UNC79: variants seen among roughly 807,000 people sequenced by gnomAD.
UNC79 encodes unc-79 subunit of NALCN channel complex, also known as protein unc-79 homolog.
A neutral mutation model predicts 283.1 loss-of-function variants in UNC79; 37 were observed. The observed-to-expected ratio is 0.13, with a 90% confidence interval of 0.10 to 0.17. The LOEUF is 0.17. Ranked by LOEUF, UNC79 falls within the 10% of genes least tolerant of loss-of-function variation. The probability of loss-of-function intolerance (pLI) is 1.00; values close to 1 mark genes in which losing one functional copy is unlikely to be tolerated. For missense variants in UNC79, 2,272 were observed against 3,211.1 expected, an observed-to-expected ratio of 0.71 and a Z score of 7.07; for synonymous variants, 1,107 against 1,200.2, an observed-to-expected ratio of 0.92 and a Z score of 1.61.
At chr14:93,651,407 A>G (rs1054263565) in intron 35 of UNC79, among the ~76,000 whole-genome samples, 3 of 152,176 alleles carry the variant, frequency 2.0e-5, no homozygotes, top group African/African-American at 7.2e-5. Flanking sequence ...ATTCATGAAC[A>G]TGGTATATAT....
At chr14:93,586,870 A>G in exon 22 of UNC79, 2 of 1,613,956 alleles carry the variant, frequency 1.2e-6, no homozygotes, top group Non-Finnish European at 8.5e-7. Context: ...ATCACCCTCA[A>G]TTTTTAGCCT....
At chr14:93,373,398 GCTAT>G (rs2054493304) in intron 1 of UNC79, among the ~76,000 whole-genome samples, 2 of 151,528 alleles carry the variant, frequency 1.3e-5, no homozygotes, top group Admixed American at 6.6e-5. Context: ...CTCTAGCCAG[GCTAT>G]CTGAGAAAAA....
At chr14:93,554,794 TAAAC>T (rs2062077595) in intron 14 of UNC79, among the ~76,000 whole-genome samples, 1 of 152,240 alleles carries the variant, frequency 6.6e-6, no homozygotes, top group Non-Finnish European at 1.5e-5. Context: ...AAACAATCCT[TAAAC>T]AACCTCTAAA....
At chr14:93,540,718 C>T (rs2061334399) in exon 13 of UNC79, 3 of 1,613,782 alleles carry the variant, frequency 1.9e-6, no homozygotes, top group Non-Finnish European at 2.5e-6. Context: ...GAACCGGCGG[C>T]GGCAGCTGGG....
In UNC79 at chr14:93,615,173, C is replaced by T. The variant is rs546704481; in HGVS notation, c.4042-1949C>T. Among the ~76,000 whole-genome samples the T allele has an allele frequency of 2.4e-3, 365 of 152,260 alleles. 3 individuals are homozygous for T. Among genetic ancestry groups the T allele is most frequent in the African/African-American group, 8.4e-3 (351 of 41,540 alleles). ...ATTAGAGAAAACATATTGCAAAGCA[C>T]CTTGATCAATGCCTGTCTCATGGTA... On this transcript the variant is annotated intron_variant, in intron 27 of 48. Transcript: ENST00000555664.
intron 1 of UNC79, among the ~76,000 whole-genome samples, chr14:93,460,525 A>G (rs1056199457): frequency 1.5e-5 from 2 of 132,470 alleles, no homozygotes; most frequent in African/African-American, 2.8e-5. Context: ...AAAAAAAAAA[A>G]AGTATATAGA....
chr14:93,621,548 A>G lies in UNC79; in HGVS notation c.4388-73A>G. 2.1e-6 allele frequency: 3 copies of G among 1,450,610 alleles called. No individual in the cohort carries two copies. The highest frequency in any genetic ancestry group is 1.7e-5 in the South Asian group (1 of 59,144). 89.9% of individuals were successfully genotyped at this position (1,450,610 alleles called of 1,614,324 possible). On this transcript the variant is annotated intron_variant, in intron 29 of 48. Transcript: ENST00000555664. The surrounding 1 kb of genome is among the most constrained non-coding windows in gnomAD (Gnocchi z 4.8). ...TGTGATGATGATTTATGCCAATTGT[A>G]TGCCCAAGGATGAGGGGAAAAAATG...
intron 48 of UNC79, among the ~76,000 whole-genome samples, chr14:93,704,999 C>G (rs1253012295): frequency 6.6e-6 from 1 of 152,090 alleles, no homozygotes; most frequent in Non-Finnish European, 1.5e-5. Context: ...CTTTGAGAGG[C>G]CATTGTGGGA....
intron 13 of UNC79, among the ~76,000 whole-genome samples, chr14:93,541,759 A>G (rs1197070087): frequency 7.2e-5 from 11 of 152,318 alleles, no homozygotes. Context: ...TAATCCCAGC[A>G]CTTTGGGAGG....
exon 12 of UNC79, chr14:93,538,176 G>A: frequency 6.2e-7 from 1 of 1,613,070 alleles, no homozygotes; most frequent in Non-Finnish European, 8.5e-7. Flanking sequence ...ACGCGGGAAT[G>A]CGGCGCTGAG....
At chr14:93,348,682 C>A (rs2053919294) in intron 1 of UNC79, among the ~76,000 whole-genome samples, 1 of 152,140 alleles carries the variant, frequency 6.6e-6, no homozygotes, top group Non-Finnish European at 1.5e-5. Context: ...ATTTTATTAT[C>A]TTCTCTTAGT....
chr14:93,435,659 G>C (rs2056059436), intron 1 of UNC79, among the ~76,000 whole-genome samples: 1 of 152,058 alleles, frequency 6.6e-6, no homozygotes, highest in Admixed American at 6.6e-5. Flanking sequence ...AGTCATTTTG[G>C]TAAATGACAC....
chr14:93,562,907 T>A (rs944114964), intron 14 of UNC79, among the ~76,000 whole-genome samples: 1 of 151,952 alleles, frequency 6.6e-6, no homozygotes, highest in Non-Finnish European at 1.5e-5. Context: ...CCGAGCTTGA[T>A]GTGAAGGGAA....
At chr14:93,695,452 A>C (rs2075023399) in intron 47 of UNC79, among the ~76,000 whole-genome samples, 1 of 152,254 alleles carries the variant, frequency 6.6e-6, no homozygotes, top group Non-Finnish European at 1.5e-5. Context: ...GCTTGATAAT[A>C]GCAAAAGTCA....
chr14:93,595,267 T>G (rs1052130737), intron 23 of UNC79, among the ~76,000 whole-genome samples: 3 of 151,958 alleles, frequency 2.0e-5, no homozygotes, highest in African/African-American at 7.3e-5. Flanking sequence ...TTTTTGTATT[T>G]TTACTAGAGA....
intron 41 of UNC79, among the ~76,000 whole-genome samples, chr14:93,681,409 C>G (rs1320157852): frequency 6.6e-6 from 1 of 152,216 alleles, no homozygotes; most frequent in Admixed American, 6.5e-5. Flanking sequence ...CCAAAACCTG[C>G]TACCTGTTAA....
chr14:93,514,971 C>T (rs2059988628), intron 7 of UNC79, among the ~76,000 whole-genome samples: 1 of 151,978 alleles, frequency 6.6e-6, no homozygotes, highest in Non-Finnish European at 1.5e-5. Context: ...CATTCTCATC[C>T]CTCTTTCTGG....
intron 1 of UNC79, among the ~76,000 whole-genome samples, chr14:93,371,277 C>T (rs2054439321): frequency 6.6e-6 from 1 of 151,990 alleles, no homozygotes; most frequent in African/African-American, 2.4e-5. Flanking sequence ...GTCCCAGCTA[C>T]TCGGGAGGCT....
chr14:93,532,612 A>G, intron 11 of UNC79, 34 bp downstream of exon 11: 1 of 1,607,296 alleles, frequency 6.2e-7, no homozygotes, highest in East Asian at 2.2e-5. Flanking sequence ...TTGGGGCATG[A>G]TTTATTGTGT....
Sources: gnomAD v4.1 joint callset for allele counts (sites outside exome capture counted in the v4.1 genomes callset) on GRCh38, gnomAD v4.1.1 for gene constraint, Gnocchi (gnomAD v3.1) non-coding constraint, MANE v1.5 for transcripts, NCBI Gene and HGNC (gene_info 2026-07-23, HGNC 2026-07-21) for gene names.